Variants in SYT1 observed in about 807,000 individuals in gnomAD.
The protein encoded by SYT1 is synaptotagmin-1.
In SYT1, 8 loss-of-function variants were observed where a neutral mutation model predicts 44.8. The ratio of observed to expected loss-of-function variants is 0.18; its 90% CI spans 0.10 to 0.32. The LOEUF (loss-of-function observed/expected upper bound fraction) is 0.32. Ranked by LOEUF, SYT1 falls within the 10% of genes least tolerant of loss-of-function variation. SYT1 has a pLI of 1.00. For synonymous variants in SYT1, 154 were observed against 188.8 expected (o/e 0.82, Z 1.51); for missense variants, 286 against 509.3 (o/e 0.56, Z 4.22).
chr12:79,418,312 A>C (rs1277448395), intron 9 of SYT1, among the ~76,000 whole-genome samples: 1 of 152,152 alleles, frequency 6.6e-6, no homozygotes, highest in Admixed American at 6.6e-5. Context: ...GTGTTGTTAA[A>C]AATGTCCACT....
chr12:78,916,613 A>C (rs75746211), intron 1 of SYT1, among the ~76,000 whole-genome samples: 1 of 151,960 alleles, frequency 6.6e-6, no homozygotes. Context: ...TAAAATAAGC[A>C]AAGTATCCTT....
At chr12:78,894,406 A>G (rs1304083338) in intron 1 of SYT1, among the ~76,000 whole-genome samples, 1 of 123,062 alleles carries the variant, frequency 8.1e-6, no homozygotes, top group African/African-American at 3.1e-5. Context: ...ACAGCCTAAA[A>G]TAAGGCTGGC....
In SYT1 at chr12:79,167,757, C is replaced by T. The variant is rs531521025; in HGVS notation, c.-17-49746C>T. The stretch of plus-strand genomic sequence containing the variant: ...TAATTATGCTTATAGTGTAATACAG[C>T]GGTCCCCAACATTTTTGGCACCAGG... On this transcript the variant is annotated intron_variant, in intron 3 of 10. Transcript: ENST00000261205. Among the ~76,000 whole-genome samples the T allele has an allele frequency of 1.7e-4, 26 of 152,080 alleles. No homozygotes were observed. The South Asian group carries it at 3.1e-3, about 18-fold the overall frequency.
chr12:79,094,074 A>G (rs1877958065), intron 3 of SYT1, among the ~76,000 whole-genome samples: 1 of 151,710 alleles, frequency 6.6e-6, no homozygotes, highest in Non-Finnish European at 1.5e-5. Context: ...ATGTATGATT[A>G]ACAATTAATG....
chr12:79,247,194 A>G (rs979080067), intron 4 of SYT1, among the ~76,000 whole-genome samples: 3 of 152,166 alleles, frequency 2.0e-5, no homozygotes, highest in Non-Finnish European at 4.4e-5. Context: ...GCAGATATTA[A>G]AATTTTAGGG....
chr12:79,171,174 G>A (rs1038744497), intron 3 of SYT1, among the ~76,000 whole-genome samples: 2 of 151,866 alleles, frequency 1.3e-5, no homozygotes, highest in Non-Finnish European at 2.9e-5. Context: ...GGCTATTTGG[G>A]GTCTTTATTT....
intron 2 of SYT1, among the ~76,000 whole-genome samples, chr12:79,027,960 C>T (rs751930991): frequency 4.6e-5 from 7 of 151,410 alleles, no homozygotes; most frequent in Non-Finnish European, 8.9e-5. Flanking sequence ...TGCATTTGAA[C>T]TTGTCTGTCT....
At chr12:79,354,321 T>C (rs560566065) in intron 9 of SYT1, among the ~76,000 whole-genome samples, 2 of 152,356 alleles carry the variant, frequency 1.3e-5, no homozygotes, top group Admixed American at 6.5e-5. Flanking sequence ...TTTTTAATTT[T>C]CCGCTAAATC....
intron 1 of SYT1, among the ~76,000 whole-genome samples, chr12:78,974,886 G>A (rs1342504987): frequency 6.6e-6 from 1 of 151,776 alleles, no homozygotes; most frequent in Non-Finnish European, 1.5e-5. Context: ...AAATTAGATC[G>A]TCCAGAGGCT....
intron 3 of SYT1, among the ~76,000 whole-genome samples, chr12:79,066,502 C>T (rs72615647): frequency 9.7e-6 from 1 of 103,178 alleles, no homozygotes; most frequent in Admixed American, 1.1e-4. Flanking sequence ...AAAAAAAAAA[C>T]AACTCAGTGA....
intron 2 of SYT1, among the ~76,000 whole-genome samples, chr12:79,046,975 T>C (rs1008698768): frequency 2.6e-5 from 4 of 151,960 alleles, no homozygotes; most frequent in Non-Finnish European, 5.9e-5. Context: ...TCTTAATAAA[T>C]GTAATATTCT....
intron 1 of SYT1, among the ~76,000 whole-genome samples, chr12:78,876,846 A>ATATTATATG (rs1213335451): frequency 1.2e-4 from 5 of 41,124 alleles, no homozygotes; most frequent in African/African-American, 3.1e-4. Flanking sequence ...TATATAATAT[A>ATATTATATG]TATTATATAT....
At chr12:79,333,825 A>G (rs1164420273) in intron 8 of SYT1, among the ~76,000 whole-genome samples, 1 of 152,214 alleles carries the variant, frequency 6.6e-6, no homozygotes, top group Admixed American at 6.5e-5. Flanking sequence ...TAAATCTAAC[A>G]ACAAACAACA....
chr12:79,179,478 G>T (rs940907374), intron 3 of SYT1, among the ~76,000 whole-genome samples: 22 of 17,966 alleles, frequency 1.2e-3, no homozygotes, highest in African/African-American at 1.8e-3. Context: ...TATAGATATA[G>T]AGATATAGAT....
intron 4 of SYT1, among the ~76,000 whole-genome samples, chr12:79,222,362 C>CTGTT: frequency 6.7e-6 from 1 of 149,502 alleles, no homozygotes; most frequent in African/African-American, 2.5e-5. Context: ...TTTTCTGCTA[C>CTGTT]TATTTATTTA....
At chr12:79,006,321 G>A (rs561572181) in intron 2 of SYT1, among the ~76,000 whole-genome samples, 1 of 152,232 alleles carries the variant, frequency 6.6e-6, no homozygotes, top group African/African-American at 2.4e-5. Flanking sequence ...AATGGATCAA[G>A]TGACTCCTGT....
intron 4 of SYT1, among the ~76,000 whole-genome samples, chr12:79,275,479 T>C (rs1878664975): frequency 6.6e-6 from 1 of 152,052 alleles, no homozygotes; most frequent in Non-Finnish European, 1.5e-5. Flanking sequence ...CCACTCCCCC[T>C]CTACATGAAT....
At position 79,290,700 on chromosome 12, in the gene SYT1, A is replaced by G. The variant is rs17005454; in HGVS notation, c.352-1308A>G. On this transcript the variant is annotated intron_variant, in intron 5 of 10. Transcript: ENST00000261205. ...TGCATGCATACACATATACAAAAAT[A>G]GCAATGAAAATGCTATAACCTAAAA... Among the ~76,000 whole-genome samples the G allele has an allele frequency of 8.1e-3, 1,234 of 152,354 alleles. 13 individuals are homozygous for G. The highest frequency in any genetic ancestry group is 0.028 in the African/African-American group (1,167 of 41,586).
At chr12:78,957,746 AT>A (rs1282011972) in intron 1 of SYT1, among the ~76,000 whole-genome samples, 5 of 151,026 alleles carry the variant, frequency 3.3e-5, no homozygotes, top group Admixed American at 1.3e-4. Context: ...TCCTGTGCAC[AT>A]TTTTTTTTAA....
Sources: allele counts gnomAD v4.1 joint callset (sites outside exome capture counted in the v4.1 genomes callset), GRCh38; gene constraint gnomAD v4.1.1; transcripts MANE v1.5; gene names NCBI Gene and HGNC (gene_info 2026-07-23, HGNC 2026-07-21).